Variants in ACOXL observed in about 807,000 individuals in gnomAD.
ACOXL encodes the protein acyl-coenzyme A oxidase-like protein.
ACOXL carries 70 observed loss-of-function variants against 71.9 expected under a neutral mutation model. The ratio of observed to expected loss-of-function variants is 0.97; its 90% confidence interval spans 0.80 to 1.19. The LOEUF is 1.19. Ranked by LOEUF, ACOXL falls within the 50% of genes most tolerant of loss-of-function variation. The pLI is 0.00. For missense variants in ACOXL, 703 were observed against 736.3 expected (o/e 0.95, Z 0.52); for synonymous variants, 253 against 281.6 (o/e 0.90, Z 1.02).
chr2:110,890,613 A>G (rs1171421617), intron 10 of ACOXL, among the ~76,000 whole-genome samples: 2 of 152,194 alleles, frequency 1.3e-5, no homozygotes, highest in African/African-American at 2.4e-5. Context: ...GGAAAAATCA[A>G]TGGAAATAAA....
intron 12 of ACOXL, among the ~76,000 whole-genome samples, chr2:110,970,505 A>G (rs1425821557): frequency 6.6e-6 from 1 of 150,696 alleles, no homozygotes; most frequent in African/African-American, 2.4e-5. Context: ...GAAAGAGTCT[A>G]CAAAAATTAT....
At chr2:110,871,621 T>C (rs1251361546) in intron 10 of ACOXL, among the ~76,000 whole-genome samples, 3 of 151,944 alleles carry the variant, frequency 2.0e-5, no homozygotes, top group African/African-American at 7.3e-5. Flanking sequence ...GCTACTAAGG[T>C]GAAGTTCAAG....
intron 10 of ACOXL, among the ~76,000 whole-genome samples, chr2:110,843,639 A>G (rs914565156): frequency 2.0e-5 from 3 of 152,266 alleles, no homozygotes; most frequent in South Asian, 2.1e-4. Flanking sequence ...GCAAGGAGGA[A>G]GTTAGCAGCT....
intron 16 of ACOXL, among the ~76,000 whole-genome samples, chr2:111,073,548 T>A (rs1192414767): frequency 6.6e-6 from 1 of 152,178 alleles, no homozygotes; most frequent in African/African-American, 2.4e-5. Context: ...TCCTTTTGCA[T>A]CTTTGTGAAA....
intron 17 of ACOXL, among the ~76,000 whole-genome samples, chr2:111,102,391 T>C (rs961809318): frequency 6.6e-6 from 1 of 152,234 alleles, no homozygotes. Flanking sequence ...ATCTGGAGAC[T>C]GAGCTGGGAT....
chr2:110,987,022 C>A, intron 12 of ACOXL, 86 bp from the exon 13 acceptor site: 1 of 1,114,104 alleles, frequency 9.0e-7, no homozygotes, highest in Non-Finnish European at 1.3e-6. Flanking sequence ...TGCTAAGTGA[C>A]AAATAGATCT....
chr2:111,028,591 C>T (rs1321380060), intron 14 of ACOXL, among the ~76,000 whole-genome samples: 1 of 152,152 alleles, frequency 6.6e-6, no homozygotes, highest in Admixed American at 6.5e-5. Flanking sequence ...GGAAAGCACT[C>T]AGCCTTTACC....
rs10200956 is a variant in ACOXL, at chr2:111,053,744, T to C, written c.1440+4456T>C. 6.4e-3 allele frequency among the ~76,000 whole-genome samples: 980 copies of C among 152,302 alleles called. 9 individuals are homozygous for C. Among genetic ancestry groups the C allele is most frequent in the African/African-American group, 0.022 (911 of 41,552 alleles). On this transcript the variant is annotated intron_variant, in intron 16 of 17. Transcript: ENST00000439055. ...TGCACACCTGGGAGTTTCTTACATA[T>C]CTGGCAGCAGCTGCCTCCAATTTGG...
chr2:111,019,350 A>G (rs950247228), intron 14 of ACOXL, among the ~76,000 whole-genome samples: 1 of 152,236 alleles, frequency 6.6e-6, no homozygotes, highest in Admixed American at 6.5e-5. Context: ...ACCAAGATCA[A>G]TTTCAGGAGA....
intron 12 of ACOXL, chr2:110,967,971 A>T (rs979194872): frequency 1.1e-6 from 1 of 924,222 alleles, no homozygotes; most frequent in Non-Finnish European, 1.8e-6. Flanking sequence ...AATACAACAC[A>T]CCCAAATATA....
intron 17 of ACOXL, among the ~76,000 whole-genome samples, chr2:111,104,932 G>A (rs1327107321): frequency 6.6e-6 from 1 of 151,898 alleles, no homozygotes; most frequent in East Asian, 1.9e-4. Context: ...TATCCTATGG[G>A]CTTTATCTAA....
At chr2:110,959,292 A>C (rs1459052151) in intron 12 of ACOXL, among the ~76,000 whole-genome samples, 1 of 152,088 alleles carries the variant, frequency 6.6e-6, no homozygotes, top group Non-Finnish European at 1.5e-5. Flanking sequence ...CTCTTGGCCC[A>C]GCTCCCCTGG....
intron 12 of ACOXL, among the ~76,000 whole-genome samples, chr2:110,970,818 T>A (rs551375922): frequency 6.6e-6 from 1 of 152,214 alleles, no homozygotes; most frequent in South Asian, 2.1e-4. Context: ...TAAAGAAATC[T>A]AACTCAAAAT....
At chr2:111,034,417 A>G (rs981003811) in intron 15 of ACOXL, among the ~76,000 whole-genome samples, 1 of 152,234 alleles carries the variant, frequency 6.6e-6, no homozygotes, top group Non-Finnish European at 1.5e-5. Flanking sequence ...TGAGGTCTTC[A>G]CACCCGGAGA....
At chr2:110,796,137 T>G (rs1685253707) in intron 5 of ACOXL, 1 of 152,132 alleles carries the variant, frequency 6.6e-6, no homozygotes, top group African/African-American at 2.4e-5. Context: ...ATGCTAGAGC[T>G]TATTAAATAA....
At chr2:110,902,861 C>T (rs1368451794) in intron 10 of ACOXL, among the ~76,000 whole-genome samples, 1 of 152,148 alleles carries the variant, frequency 6.6e-6, no homozygotes, top group African/African-American at 2.4e-5. Context: ...GAATGGGGTG[C>T]AGTGGTCCAG....
rs866684540 is a variant in ACOXL at position 110,844,811 on chromosome 2, T to C, written c.788+3406T>C. On this transcript the variant is annotated intron_variant, in intron 10 of 17. Coordinates refer to ENST00000439055, the MANE Select transcript of ACOXL (RefSeq NM_001142807.4). Reference sequence around the variant, plus strand: ...ATCCGCCCACTTTTGCCTCCCAAAGTGCTGGGATTACAGGTGTGAGCCACC... The same window carrying C: ...ATCCGCCCACTTTTGCCTCCCAAAGCGCTGGGATTACAGGTGTGAGCCACC... Among the ~76,000 whole-genome samples, 20 of 152,168 alleles carry C rather than the reference T, an allele frequency of 1.3e-4. No individual in the cohort carries two copies. In the Middle Eastern group the frequency reaches 0.014, roughly 104 times the overall value.
Position 110,801,639 on chromosome 2 carries a change from C to G in ACOXL, c.548-13C>G, listed in dbSNP as rs1686011996. The G allele has an allele frequency of 1.2e-6, 2 of 1,612,808 alleles. No individual in the cohort carries two copies. The highest frequency in any genetic ancestry group is 3.3e-5 in the Admixed American group (2 of 59,998). ...CTGATGCTGCATCCATTTCCCCTTT[C>G]TATTCTTGCCAGGTCTGCATGGTGT... On this transcript the variant is annotated splice_polypyrimidine_tract_variant and intron_variant, in intron 7 of 17. Transcript: ENST00000439055.
intron 1 of ACOXL, among the ~76,000 whole-genome samples, chr2:110,755,939 G>A (rs1679628700): frequency 6.6e-6 from 1 of 152,048 alleles, no homozygotes; most frequent in African/African-American, 2.4e-5. Flanking sequence ...AGCAATATGT[G>A]TATTGTTAAT....
Sources: allele counts gnomAD v4.1 joint callset (sites outside exome capture counted in the v4.1 genomes callset), GRCh38; gene constraint gnomAD v4.1.1; transcripts MANE v1.5; gene names NCBI Gene and HGNC (gene_info 2026-07-23, HGNC 2026-07-21).